Variants in APBA2 observed in about 807,000 individuals in gnomAD.
APBA2 encodes amyloid beta precursor protein binding family A member 2, also known as amyloid-beta A4 precursor protein-binding family A member 2.
APBA2 carries 30 observed loss-of-function variants against 75.0 expected under a neutral mutation model. The observed-to-expected ratio is 0.40, with a 90% CI of 0.30 to 0.54. The LOEUF (loss-of-function observed/expected upper bound fraction) is 0.54, where lower values mean the gene tolerates loss of function less well. Among genes scored for constraint, APBA2 ranks in the 20% least tolerant of loss-of-function variants. The probability of loss-of-function intolerance (pLI) is 0.49; values close to 1 mark genes in which losing one functional copy is unlikely to be tolerated. For synonymous variants in APBA2, 444 were observed against 409.6 expected (o/e 1.08, Z -1.01); for missense variants, 801 against 1,016.1 (o/e 0.79, Z 2.88).
intron 6 of APBA2, among the ~76,000 whole-genome samples, chr15:29,089,204 T>C (rs889445377): frequency 2.0e-5 from 3 of 152,214 alleles, no homozygotes; most frequent in Admixed American, 2.0e-4. Flanking sequence ...CTTTATACAG[T>C]GGGTTCAGAA....
At chr15:29,104,949 G>A (rs924733737) in intron 10 of APBA2, among the ~76,000 whole-genome samples, 2 of 152,164 alleles carry the variant, frequency 1.3e-5, no homozygotes, top group African/African-American at 2.4e-5. Flanking sequence ...TTAGCTGGAT[G>A]TGGTTGTGCT....
chr15:28,958,010 G>A (rs147983995), intron 2 of APBA2, among the ~76,000 whole-genome samples: 4 of 152,310 alleles, frequency 2.6e-5, no homozygotes, highest in East Asian at 1.9e-4. Flanking sequence ...TTTGGAGGAC[G>A]TGTCCCTTGC....
chr15:29,060,441 C>T (rs1320697437), intron 4 of APBA2, among the ~76,000 whole-genome samples: 4 of 152,284 alleles, frequency 2.6e-5, no homozygotes, highest in Middle Eastern at 3.4e-3. Context: ...GAAGAGAAAG[C>T]GTCCAGTTCT....
At chr15:28,911,923 A>G (rs2033447127) in intron 1 of APBA2, among the ~76,000 whole-genome samples, 1 of 152,232 alleles carries the variant, frequency 6.6e-6, no homozygotes, top group South Asian at 2.1e-4. Flanking sequence ...TCACTAGAGT[A>G]ATTTGGATTA....
intron 3 of APBA2, among the ~76,000 whole-genome samples, chr15:29,042,398 G>T (rs929380933): frequency 6.6e-6 from 1 of 152,030 alleles, no homozygotes; most frequent in Non-Finnish European, 1.5e-5. Flanking sequence ...TCAGCCTCCT[G>T]AGTAGCTGGG....
At chr15:29,087,796 G>A (rs970873488) in intron 6 of APBA2, among the ~76,000 whole-genome samples, 7 of 152,136 alleles carry the variant, frequency 4.6e-5, no homozygotes, top group African/African-American at 1.7e-4. Flanking sequence ...TGATCTGGTG[G>A]CTCGCCTCCT....
chr15:29,093,654 T>C (rs2043695850), intron 7 of APBA2, among the ~76,000 whole-genome samples: 1 of 152,180 alleles, frequency 6.6e-6, no homozygotes, highest in Non-Finnish European at 1.5e-5. Context: ...TTGGATTGTC[T>C]GGTTTTGAAC....
chr15:28,926,896 G>T (rs1456999616), intron 2 of APBA2, among the ~76,000 whole-genome samples: 1 of 126,604 alleles, frequency 7.9e-6, no homozygotes, highest in African/African-American at 3.2e-5. Flanking sequence ...TCGCTCTGTT[G>T]CCCAGGCTGG....
rs529184213 is a variant in APBA2, at chr15:29,091,834, G to A, written c.1070-1241G>A. Among the ~76,000 whole-genome samples, 37 of 152,284 alleles carry A rather than the reference G, an allele frequency of 2.4e-4. No homozygotes were observed. In the East Asian group the frequency reaches 6.6e-3, roughly 27 times the overall value. ...GGGAAGAGGTCAGGAGGTTGCTGGCGCGAGGGCTGGGGAAGTGCAGGATGG... is the reference window on the plus strand; with the variant it reads ...GGGAAGAGGTCAGGAGGTTGCTGGCACGAGGGCTGGGGAAGTGCAGGATGG... On this transcript the variant is annotated intron_variant, in intron 6 of 14. Transcript: ENST00000683413.
chr15:29,108,200 G>A (rs893038004), intron 12 of APBA2, 70 bp from the exon 13 acceptor site: 13 of 1,607,674 alleles, frequency 8.1e-6, no homozygotes, highest in African/African-American at 5.3e-5. Flanking sequence ...CACCCTGCCA[G>A]CCTCGCTCAT....
intron 2 of APBA2, among the ~76,000 whole-genome samples, chr15:28,929,568 G>A (rs1253385727): frequency 6.6e-6 from 1 of 152,180 alleles, no homozygotes; most frequent in African/African-American, 2.4e-5. Flanking sequence ...TGGGGCAACA[G>A]CGTTGGCCCA....
chr15:28,906,618 C>T (rs1412596257), intron 1 of APBA2, among the ~76,000 whole-genome samples: 1 of 152,168 alleles, frequency 6.6e-6, no homozygotes, highest in Non-Finnish European at 1.5e-5. Context: ...GTGTGTGGGG[C>T]AGCGGTGTCC....
chr15:28,886,333 C>A (rs1166959695), intron 1 of APBA2, 55 bp downstream of exon 1: 1 of 150,972 alleles, frequency 6.6e-6, no homozygotes, highest in Admixed American at 6.6e-5. Flanking sequence ...CCTGGGGCCG[C>A]CCGGGGCGCC....
At chr15:29,033,032 C>T (rs1462284313) in intron 3 of APBA2, among the ~76,000 whole-genome samples, 1 of 152,200 alleles carries the variant, frequency 6.6e-6, no homozygotes, top group Non-Finnish European at 1.5e-5. Context: ...GGAGCGTTTG[C>T]CATCCTTATC....
rs76121211 is a variant in APBA2 at position 29,098,687 on chromosome 15, G to A, written c.1338+111G>A. On this transcript the variant is annotated intron_variant, in intron 9 of 14. Coordinates refer to ENST00000683413, the MANE Select transcript of APBA2 (RefSeq NM_001353788.2). ...GCAGCTTCTCTCCTGTGCTCTCTGC[G>A]CCCATCAACCCAAGGCCCATAGCCC... 3,367 of 933,794 alleles carry A rather than the reference G, an allele frequency of 3.6e-3. 69 individuals are homozygous for A. The highest frequency in any genetic ancestry group is 0.035 in the Admixed American group (1,810 of 51,616). The allele number at this position is 933,794 out of a possible 1,614,324, so 57.8% of individuals were successfully genotyped here.
In APBA2 at chr15:28,952,864, A is replaced by G. The variant is rs189101671; in HGVS notation, c.-95+31115A>G. Among the ~76,000 whole-genome samples the G allele has an allele frequency of 1.2e-3, 186 of 152,346 alleles. 1 individual carries two copies. Among genetic ancestry groups the G allele is most frequent in the African/African-American group, 4.2e-3 (176 of 41,584 alleles). On this transcript the variant is annotated intron_variant, in intron 2 of 14. Coordinates refer to ENST00000683413, the MANE Select transcript of APBA2 (RefSeq NM_001353788.2). ...ACTATCTCCATTGTATAGATAGAGA[A>G]ACTGATAATGTAGAGCAATGATGTG...
chr15:29,073,025 T>C (rs1201159784), intron 4 of APBA2, among the ~76,000 whole-genome samples: 1 of 152,210 alleles, frequency 6.6e-6, no homozygotes, highest in Non-Finnish European at 1.5e-5. Context: ...GTGGTGTCTG[T>C]GATCCTGGAG....
chr15:29,017,995 G>T (rs79798025), intron 3 of APBA2, among the ~76,000 whole-genome samples: 1 of 151,940 alleles, frequency 6.6e-6, no homozygotes, highest in East Asian at 1.9e-4. Context: ...TCTGTGAGCC[G>T]TGGTTGTTAA....
chr15:29,000,224 A>G (rs2038772518), intron 3 of APBA2, among the ~76,000 whole-genome samples: 1 of 152,248 alleles, frequency 6.6e-6, no homozygotes. Flanking sequence ...CAAGTGGGTC[A>G]CAACCAGCGT....
Sources: gnomAD v4.1 joint callset for allele counts (sites outside exome capture counted in the v4.1 genomes callset) on GRCh38, gnomAD v4.1.1 for gene constraint, MANE v1.5 for transcripts, NCBI Gene and HGNC (gene_info 2026-07-23, HGNC 2026-07-21) for gene names.